The following RAD51B variants were observed in gnomAD, a reference collection of about 807,000 sequenced individuals.
RAD51B encodes the protein RAD51 paralog B, also known as DNA repair protein RAD51 homolog 2.
Under a neutral mutation model 42.2 loss-of-function variants are expected in RAD51B, and 38 were observed. The observed-to-expected ratio is 0.90, with a 90% CI of 0.70 to 1.18. The LOEUF is 1.18. Among genes scored for constraint, RAD51B ranks in the 50% most tolerant of loss-of-function variants. The pLI, the probability that RAD51B is intolerant of heterozygous loss-of-function variation, is 0.00. For missense variants in RAD51B, 373 were observed against 400.7 expected, an observed-to-expected ratio of 0.93 and a Z score of 0.59; for synonymous variants, 154 against 145.2, an observed-to-expected ratio of 1.06 and a Z score of -0.43.
chr14:68,028,048 G>A (rs1220554364), intron 7 of RAD51B, among the ~76,000 whole-genome samples: 1 of 152,142 alleles, frequency 6.6e-6, no homozygotes, highest in African/African-American at 2.4e-5. Context: ...GGTCTTTGTG[G>A]CTGAATTCTT....
chr14:68,034,595 G>T (rs915930455), intron 7 of RAD51B, among the ~76,000 whole-genome samples: 3 of 152,088 alleles, frequency 2.0e-5, no homozygotes, highest in Admixed American at 6.6e-5. Flanking sequence ...CCTACAATAA[G>T]AATGTTGAAA....
intron 11 of RAD51B, among the ~76,000 whole-genome samples, chr14:68,679,333 A>G (rs1170386424): frequency 6.6e-6 from 1 of 152,262 alleles, no homozygotes; most frequent in Non-Finnish European, 1.5e-5. Flanking sequence ...CCAACATTAC[A>G]TAAATGTCAA....
At chr14:67,885,624 A>G (rs1019266814) in intron 5 of RAD51B, 1 of 273,382 alleles carries the variant, frequency 3.7e-6, no homozygotes, top group African/African-American at 2.2e-5. Flanking sequence ...CTCAAGAGAC[A>G]TTGTTGTTTG....
chr14:67,938,200 C>T (rs2045027399), intron 7 of RAD51B, among the ~76,000 whole-genome samples: 2 of 152,140 alleles, frequency 1.3e-5, no homozygotes, highest in Admixed American at 1.3e-4. Context: ...ACTGTTAAGC[C>T]TTCTGGAATA....
chr14:68,643,296 C>T (rs186982158), intron 10 of RAD51B, among the ~76,000 whole-genome samples: 1 of 152,266 alleles, frequency 6.6e-6, no homozygotes, highest in East Asian at 1.9e-4. Context: ...TGGTCTGAAG[C>T]CTGCTCTTTC....
At chr14:68,619,101 C>T (rs548630596) in intron 10 of RAD51B, among the ~76,000 whole-genome samples, 2 of 152,330 alleles carry the variant, frequency 1.3e-5, no homozygotes, top group African/African-American at 4.8e-5. Context: ...GACTCTTTTC[C>T]CTCCTGACAC....
intron 7 of RAD51B, among the ~76,000 whole-genome samples, chr14:68,049,194 C>G (rs571674032): frequency 6.6e-6 from 1 of 151,086 alleles, no homozygotes; most frequent in East Asian, 2.0e-4. Flanking sequence ...ACATCACACA[C>G]TGGGGCCTGT....
intron 7 of RAD51B, among the ~76,000 whole-genome samples, chr14:68,212,545 T>G (rs1338007534): frequency 3.3e-5 from 5 of 152,206 alleles, no homozygotes; most frequent in Non-Finnish European, 7.3e-5. Flanking sequence ...ACTGGGGACT[T>G]TCCATTGGAA....
chr14:68,309,237 GCT>G (rs2081925090), intron 8 of RAD51B, among the ~76,000 whole-genome samples: 1 of 152,162 alleles, frequency 6.6e-6, no homozygotes. Context: ...AAGAAAGGAA[GCT>G]CTGTTTCTCT....
intron 9 of RAD51B, among the ~76,000 whole-genome samples, chr14:68,462,971 C>T (rs2085882224): frequency 6.6e-6 from 1 of 152,196 alleles, no homozygotes; most frequent in Non-Finnish European, 1.5e-5. Context: ...ACATTGCACA[C>T]AGGTTTGAGT....
Position 68,432,460 on chromosome 14 carries a change from G to T in RAD51B, c.957+20933G>T, listed in dbSNP as rs949243463. On this transcript the variant is annotated intron_variant, in intron 9 of 10. Transcript: ENST00000471583. ...CTGTATTGGGTGCATATATATTTAG[G>T]ATAGTTAGCTCTTCTTGTTGAATTG... Among the ~76,000 whole-genome samples, 9 of 152,294 alleles carry T rather than the reference G, an allele frequency of 5.9e-5. 1 individual carries two copies. In the East Asian group the frequency reaches 1.7e-3, roughly 29 times the overall value.
chr14:68,508,968 C>T (rs746058012), intron 10 of RAD51B, among the ~76,000 whole-genome samples: 1 of 152,242 alleles, frequency 6.6e-6, no homozygotes, highest in South Asian at 2.1e-4. Context: ...GCCTGCCATG[C>T]AATCATAATC....
At chr14:68,486,879 G>A (rs902430808) in intron 10 of RAD51B, among the ~76,000 whole-genome samples, 4 of 152,154 alleles carry the variant, frequency 2.6e-5, no homozygotes, top group African/African-American at 9.7e-5. Flanking sequence ...TTCTTTAGTG[G>A]CATCTCCTCA....
intron 7 of RAD51B, among the ~76,000 whole-genome samples, chr14:68,090,648 A>G (rs931584649): frequency 6.6e-6 from 1 of 151,602 alleles, no homozygotes; most frequent in South Asian, 2.1e-4. Flanking sequence ...TATTTTAAAA[A>G]ATGTTCATAG....
rs1235349047 is a variant in RAD51B, at chr14:67,873,600, G to A, written c.452+8461G>A. ...ATCCAATTACTGGGTATATACCCAA[G>A]GGACTATAAATCATGCTGCTATAAA... On this transcript the variant is annotated intron_variant, in intron 5 of 10. Transcript: ENST00000471583. Among the ~76,000 whole-genome samples, 1,112 of 151,664 alleles carry A rather than the reference G, an allele frequency of 7.3e-3. 13 individuals are homozygous for A. Among genetic ancestry groups the A allele is most frequent in the African/African-American group, 0.026 (1,050 of 41,052 alleles).
intron 11 of RAD51B, chr14:68,650,928 G>A: frequency 1.5e-6 from 1 of 668,488 alleles, no homozygotes; most frequent in Non-Finnish European, 2.7e-6. Context: ...ATCAGAAAAT[G>A]ATATAAAGTA....
chr14:68,567,657 A>C (rs1358108043), intron 10 of RAD51B, among the ~76,000 whole-genome samples: 1 of 152,118 alleles, frequency 6.6e-6, no homozygotes, highest in Non-Finnish European at 1.5e-5. Context: ...CCTACTTTTT[A>C]TCATCTGTTT....
intron 7 of RAD51B, among the ~76,000 whole-genome samples, chr14:67,985,752 A>T (rs563306471): frequency 1.6e-4 from 25 of 151,980 alleles, no homozygotes; most frequent in Admixed American, 1.4e-3. Flanking sequence ...AAAAAAAAAA[A>T]TTCAAAAATT....
intron 8 of RAD51B, among the ~76,000 whole-genome samples, chr14:68,324,379 A>G (rs1169307711): frequency 6.6e-6 from 1 of 152,194 alleles, no homozygotes; most frequent in African/African-American, 2.4e-5. Flanking sequence ...ATTTTATAGT[A>G]AATTGCACAG....
Sources: gnomAD v4.1 joint callset for allele counts (sites outside exome capture counted in the v4.1 genomes callset) on GRCh38, gnomAD v4.1.1 for gene constraint, MANE v1.5 for transcripts, NCBI Gene and HGNC (gene_info 2026-07-23, HGNC 2026-07-21) for gene names.